STXBP6: variants seen among roughly 807,000 people sequenced by gnomAD.
The protein encoded by STXBP6 is syntaxin-binding protein 6.
In STXBP6, 21 loss-of-function variants were observed where a neutral mutation model predicts 26.9. The ratio of observed to expected loss-of-function variants is 0.78; its 90% CI spans 0.55 to 1.12. The LOEUF (loss-of-function observed/expected upper bound fraction) is 1.12, where lower values mean the gene tolerates loss of function less well. Ranked by LOEUF, STXBP6 falls within the 50% of genes most tolerant of loss-of-function variation. STXBP6 has a pLI of 0.00. For synonymous variants in STXBP6, 97 were observed against 92.6 expected, an observed-to-expected ratio of 1.05 and a Z score of -0.27; for missense variants, 232 against 257.9, an observed-to-expected ratio of 0.90 and a Z score of 0.69.
intron 1 of STXBP6, among the ~76,000 whole-genome samples, chr14:25,035,178 A>T (rs2075529530): frequency 6.6e-6 from 1 of 151,094 alleles, no homozygotes; most frequent in Non-Finnish European, 1.5e-5. Flanking sequence ...AAATTCTCAT[A>T]GAAAGAACTT....
At chr14:25,012,327 A>G (rs896784589) in intron 1 of STXBP6, among the ~76,000 whole-genome samples, 2 of 152,216 alleles carry the variant, frequency 1.3e-5, no homozygotes, top group African/African-American at 2.4e-5. Context: ...TCTAGAAAAC[A>G]TAAGAACATG....
intron 4 of STXBP6, among the ~76,000 whole-genome samples, chr14:24,841,161 TC>T (rs942916230): frequency 2.0e-5 from 3 of 152,198 alleles, no homozygotes; most frequent in Non-Finnish European, 2.9e-5. Context: ...TGGTGAATAA[TC>T]AGTCTTTGCT....
intron 2 of STXBP6, among the ~76,000 whole-genome samples, chr14:24,876,822 G>C (rs939749377): frequency 6.6e-6 from 1 of 152,174 alleles, no homozygotes; most frequent in Non-Finnish European, 1.5e-5. Flanking sequence ...TTAAAAATTA[G>C]AGCAATGATG....
intron 2 of STXBP6, among the ~76,000 whole-genome samples, chr14:24,894,871 TTCTCC>T (rs2070928689): frequency 9.2e-6 from 1 of 108,278 alleles, no homozygotes; most frequent in Non-Finnish European, 2.0e-5. Context: ...ATTCTAACTC[TTCTCC>T]TTATTTCTCT....
At position 24,976,852 on chromosome 14, in the gene STXBP6, C is replaced by CTTTTTTTTTTTTTTTTTTTT. The variant is rs71121808; in HGVS notation, c.-32-2022_-32-2003dup. Among the ~76,000 whole-genome samples the CTTTTTTTTTTTTTTTTTTTT allele has an allele frequency of 7.5e-4, 34 of 45,276 alleles. 6 individuals carry two copies. Among genetic ancestry groups the CTTTTTTTTTTTTTTTTTTTT allele is most frequent in the African/African-American group, 2.5e-3 (22 of 8,900 alleles). 29.7% of individuals were successfully genotyped at this position (45,276 alleles called of 152,430 possible). On this transcript the variant is annotated intron_variant, in intron 1 of 5. Transcript: ENST00000323944. ...CAAAGTCCTGAGCTGACTGGGCGCTCTTTTTTTTTTTTTTTTTTTTTTTTT... is the reference window on the plus strand; with the variant it reads ...CAAAGTCCTGAGCTGACTGGGCGCTCTTTTTTTTTTTTTTTTTTTTTTTTTTTTTTTTTTTTTTTTTTTTT...
At chr14:24,880,034 T>C (rs532504049) in intron 2 of STXBP6, among the ~76,000 whole-genome samples, 5 of 152,184 alleles carry the variant, frequency 3.3e-5, no homozygotes, top group Non-Finnish European at 7.3e-5. Context: ...TCGACAGTCA[T>C]GTAGTCTGAG....
intron 2 of STXBP6, among the ~76,000 whole-genome samples, chr14:24,959,922 C>T (rs1359774291): frequency 6.6e-6 from 1 of 152,206 alleles, no homozygotes; most frequent in African/African-American, 2.4e-5. Context: ...GACCTCATAA[C>T]AGTGTACTAA....
At chr14:24,966,176 T>C (rs1056660309) in intron 2 of STXBP6, among the ~76,000 whole-genome samples, 2 of 152,196 alleles carry the variant, frequency 1.3e-5, no homozygotes, top group African/African-American at 2.4e-5. Flanking sequence ...TTAAGAGTTT[T>C]CCCTTGTTTC....
At chr14:24,851,936 T>A (rs953719701) in intron 4 of STXBP6, among the ~76,000 whole-genome samples, 2 of 152,116 alleles carry the variant, frequency 1.3e-5, no homozygotes, top group African/African-American at 4.8e-5. Context: ...TTAAAAGCTG[T>A]TGGAACCCCC....
chr14:24,957,604 A>C (rs2073385510), intron 2 of STXBP6, among the ~76,000 whole-genome samples: 2 of 152,234 alleles, frequency 1.3e-5, no homozygotes. Context: ...TGACGGAACT[A>C]CCATTTACTA....
intron 2 of STXBP6, among the ~76,000 whole-genome samples, chr14:24,886,880 T>C (rs2070608322): frequency 6.6e-6 from 1 of 152,188 alleles, no homozygotes; most frequent in South Asian, 2.1e-4. Context: ...TTGTAGAATA[T>C]CTTGCTGTTT....
intron 2 of STXBP6, among the ~76,000 whole-genome samples, chr14:24,867,918 C>T (rs1336257535): frequency 6.6e-6 from 1 of 152,118 alleles, no homozygotes; most frequent in Non-Finnish European, 1.5e-5. Context: ...TTGTATCTGC[C>T]GGGCATAGTT....
chr14:25,019,156 A>G (rs1025281703), intron 1 of STXBP6, among the ~76,000 whole-genome samples: 1 of 152,236 alleles, frequency 6.6e-6, no homozygotes, highest in African/African-American at 2.4e-5. Flanking sequence ...CAAAGCAGGT[A>G]ATTCAGTTAT....
At chr14:24,900,202 G>A (rs1226508411) in intron 2 of STXBP6, among the ~76,000 whole-genome samples, 1 of 152,136 alleles carries the variant, frequency 6.6e-6, no homozygotes, top group African/African-American at 2.4e-5. Context: ...GGTCTACAGA[G>A]AGCACTTACA....
intron 2 of STXBP6, among the ~76,000 whole-genome samples, chr14:24,883,609 C>A (rs939829135): frequency 1.3e-5 from 2 of 152,052 alleles, no homozygotes; most frequent in Non-Finnish European, 2.9e-5. Flanking sequence ...CCTAAAGCAC[C>A]CATGTTGAAT....
At chr14:25,048,086 C>T (rs986477149) in intron 1 of STXBP6, among the ~76,000 whole-genome samples, 4 of 152,278 alleles carry the variant, frequency 2.6e-5, no homozygotes, top group African/African-American at 4.8e-5. Flanking sequence ...AAAGGGTAAA[C>T]AGATGCTTCC....
chr14:25,027,196 T>C (rs8009985), intron 1 of STXBP6, among the ~76,000 whole-genome samples: 4,744 of 152,310 alleles, frequency 0.031, 229 homozygotes, highest in African/African-American at 0.1. Context: ...TTCACAGATA[T>C]TTTATATTTT....
At position 24,811,883 on chromosome 14, in the gene STXBP6, C is replaced by T. The variant is rs1485312487; in HGVS notation, c.*826G>A. 6.6e-6 allele frequency: 1 copy of T among 152,104 alleles called. No homozygotes were observed. Among genetic ancestry groups the T allele is most frequent in the Non-Finnish European group, 1.5e-5 (1 of 68,006 alleles). 9.4% of individuals were successfully genotyped at this position (152,104 alleles called of 1,614,324 possible). On this transcript the variant is annotated 3_prime_UTR_variant, in exon 6 of 6. Coordinates refer to ENST00000323944, the MANE Select transcript of STXBP6 (RefSeq NM_001394410.1). ...CAATTTTTTGATAAAAATATAAGCA[C>T]TTTTCCATACCAGCGACCATCACTA...
In STXBP6 at chr14:24,811,344, G is replaced by C. The variant is rs2067818183; in HGVS notation, c.*1365C>G. ...AAAATGGATAGGATGGAATAGATAG[G>C]GGTCCTGAAGATTCAGGCAGCTTAA... On this transcript the variant is annotated 3_prime_UTR_variant, in exon 6 of 6. Coordinates refer to ENST00000323944, the MANE Select transcript of STXBP6 (RefSeq NM_001394410.1). The C allele has an allele frequency of 6.6e-6, 1 of 152,128 alleles. No individual in the cohort carries two copies. Among genetic ancestry groups the C allele is most frequent in the Non-Finnish European group, 1.5e-5 (1 of 68,030 alleles). The allele number at this position is 152,128 out of a possible 1,614,324, so 9.4% of individuals were successfully genotyped here. A position where few individuals can be genotyped will look rare whatever the true frequency, so the allele number is the denominator to read the frequency against.
Sources: allele counts gnomAD v4.1 joint callset (sites outside exome capture counted in the v4.1 genomes callset), GRCh38; gene constraint gnomAD v4.1.1; transcripts MANE v1.5; gene names NCBI Gene and HGNC (gene_info 2026-07-23, HGNC 2026-07-21).